The following UGT2B11 variants were observed in gnomAD, a reference collection of about 807,000 sequenced individuals.
UGT2B11 encodes the protein UDP-glucuronosyltransferase 2B11.
Under a neutral mutation model 51.7 loss-of-function variants are expected in UGT2B11, and 49 were observed. The ratio of observed to expected loss-of-function variants is 0.95; its 90% confidence interval spans 0.75 to 1.20. UGT2B11 has a LOEUF of 1.20. Ranked by LOEUF, UGT2B11 falls within the 50% of genes most tolerant of loss-of-function variation. The pLI, the probability that UGT2B11 is intolerant of heterozygous loss-of-function variation, is 0.00. For missense variants in UGT2B11, 810 were observed against 622.1 expected (o/e 1.30, Z -3.21); for synonymous variants, 273 against 209.0 (o/e 1.31, Z -2.64).
At chr4:69,218,500 G>T (rs930057554), upstream of UGT2B11, among the ~76,000 whole-genome samples, 1 of 149,796 alleles carries the variant, frequency 6.7e-6, no homozygotes, top group Non-Finnish European at 1.5e-5. Context: ...CCACAATAGA[G>T]GCAAATGTTT....
chr4:69,208,141 A>G (rs1215189968), intron 3 of UGT2B11, among the ~76,000 whole-genome samples: 2 of 151,552 alleles, frequency 1.3e-5, no homozygotes, highest in East Asian at 2.0e-4. Flanking sequence ...ACTCATGAAT[A>G]CCAAGGGTAG....
chr4:69,223,059 A>C, the UGT2B11 span, among the ~76,000 whole-genome samples: 2 of 152,178 alleles, frequency 1.3e-5, no homozygotes, highest in Non-Finnish European at 2.9e-5. Context: ...AAGCTTGTAC[A>C]TAAGGGACAT....
At chr4:69,207,890 A>G (rs1721916833) in intron 3 of UGT2B11, among the ~76,000 whole-genome samples, 1 of 151,656 alleles carries the variant, frequency 6.6e-6, no homozygotes, top group South Asian at 2.1e-4. Flanking sequence ...GAAAATGATC[A>G]TAAGTCTTCC....
intron 3 of UGT2B11, chr4:69,205,806 T>A (rs1023395605): frequency 1.5e-5 from 6 of 404,464 alleles, no homozygotes; most frequent in Non-Finnish European, 2.5e-5. Flanking sequence ...AATGAAAAGT[T>A]CAAATATTCA....
chr4:69,213,583 CTG>C (rs147517858), intron 1 of UGT2B11, among the ~76,000 whole-genome samples: 3,418 of 151,768 alleles, frequency 0.023, 66 homozygotes, highest in Middle Eastern at 0.09. Flanking sequence ...AATAAGAAAA[CTG>C]AGATTTACAA....
upstream of UGT2B11, among the ~76,000 whole-genome samples, chr4:69,218,033 G>C (rs1248863726): frequency 2.0e-5 from 3 of 152,092 alleles, no homozygotes; most frequent in Non-Finnish European, 2.9e-5. Context: ...AGTCATTTTG[G>C]TTATAAGAAT....
rs749694151 is a variant in UGT2B11 at position 69,214,742 on chromosome 4, T to C, written c.-20A>G. On this transcript the variant is annotated 5_prime_UTR_variant, in exon 1 of 6. Coordinates refer to ENST00000446444, the MANE Select transcript of UGT2B11 (RefSeq NM_001073.3). ...AGTCATCCTGGTGCAATGCGATCAT[T>C]CTTTTCCAGTCACTGTTTCTTTCTC... 8 of 1,603,832 alleles carry C rather than the reference T, an allele frequency of 5.0e-6. No individual in the cohort carries two copies. Among genetic ancestry groups the C allele is most frequent in the Admixed American group, 1.7e-5 (1 of 58,044 alleles).
At position 69,207,672 on chromosome 4, in the gene UGT2B11, T is replaced by C. The variant is rs553068830; in HGVS notation, c.1002+679A>G. Among the ~76,000 whole-genome samples the C allele has an allele frequency of 3.2e-3, 492 of 151,688 alleles. 3 individuals carry two copies. Among genetic ancestry groups the C allele is most frequent in the African/African-American group, 0.011 (470 of 41,488 alleles). ...ATCCATCTCCATCCTTTCTCTTTCA[T>C]CTTCCTGCTTCAGGCAGTGTTCTCT... On this transcript the variant is annotated intron_variant, in intron 3 of 5. Transcript: ENST00000446444.
chr4:69,200,046 A>T lies in UGT2B11; in HGVS notation c.*394T>A, dbSNP rs1411038657. 1.3e-5 allele frequency: 2 copies of T among 159,940 alleles called. No individual in the cohort carries two copies. The highest frequency in any genetic ancestry group is 2.7e-5 in the Non-Finnish European group (2 of 73,620). 9.9% of individuals were successfully genotyped at this position (159,940 alleles called of 1,614,324 possible). On this transcript the variant is annotated 3_prime_UTR_variant, in exon 6 of 6. Transcript: ENST00000446444. The stretch of plus-strand genomic sequence containing the variant: ...AATTATTCTGAGGATGTGACTACTG[A>T]TACTGTCAGTAGACTTCTTAATGTT...
the UGT2B11 span, among the ~76,000 whole-genome samples, chr4:69,220,661 C>G: frequency 1.3e-5 from 2 of 151,168 alleles, no homozygotes; most frequent in African/African-American, 4.9e-5. Context: ...AAGGGAGGAG[C>G]CAAGGTATCC....
At chr4:69,223,539 C>T in the UGT2B11 span, among the ~76,000 whole-genome samples, 1 of 152,198 alleles carries the variant, frequency 6.6e-6, no homozygotes, top group Non-Finnish European at 1.5e-5. Context: ...TCTGCCAATG[C>T]ATCCTACCTG....
chr4:69,217,017 C>G (rs1281293142), upstream of UGT2B11, among the ~76,000 whole-genome samples: 1 of 152,056 alleles, frequency 6.6e-6, no homozygotes, highest in Non-Finnish European at 1.5e-5. Flanking sequence ...CATTATTTTT[C>G]TGACCATAGA....
intron 3 of UGT2B11, 23 bp downstream of exon 3, chr4:69,208,328 A>G (rs761307029): frequency 2.5e-6 from 4 of 1,608,014 alleles, no homozygotes; most frequent in Non-Finnish European, 2.5e-6. Flanking sequence ...AGTTTTCCAC[A>G]CCAGTAAGGC....
chr4:69,224,484 CT>C, the UGT2B11 span, among the ~76,000 whole-genome samples: 4 of 152,060 alleles, frequency 2.6e-5, no homozygotes, highest in African/African-American at 9.7e-5. Context: ...ACACCGGTGT[CT>C]TTAGTCTCAT....
Position 69,200,629 on chromosome 4 carries a change from G to C in UGT2B11, c.1401C>G (p.Val467=), listed in dbSNP as rs1173388418. The change falls in exon 6 of 6, where the codon GTC becomes GTG. Residue 467 remains valine, a synonymous_variant. Transcript: ENST00000446444. ...GGTGTTTGGCTCCTTTGTGGGGCAT[G>C]ACAAATTCAATCCAGAAGACTGCTC... ...LDRAVFWIEF[V]MPHKGAKHLR... 1.2e-6 allele frequency: 2 copies of C among 1,612,328 alleles called. No homozygotes were observed. The highest frequency in any genetic ancestry group is 1.1e-5 in the South Asian group (1 of 91,032).
upstream of UGT2B11, among the ~76,000 whole-genome samples, chr4:69,218,242 C>T (rs1560543586): frequency 1.3e-5 from 2 of 151,896 alleles, no homozygotes; most frequent in Non-Finnish European, 2.9e-5. Flanking sequence ...ATAATATGTA[C>T]CAAGAGAGGT....
chr4:69,205,779 AG>A, intron 3 of UGT2B11: 1 of 493,470 alleles, frequency 2.0e-6, no homozygotes, highest in Non-Finnish European at 3.3e-6. Flanking sequence ...ACAGTACCAT[AG>A]AAAAATAAGA....
At chr4:69,219,193 C>G (rs938326908), upstream of UGT2B11, among the ~76,000 whole-genome samples, 2 of 152,026 alleles carry the variant, frequency 1.3e-5, no homozygotes, top group Non-Finnish European at 2.9e-5. Context: ...AGTGGCACTT[C>G]CTGACTGCAT....
chr4:69,218,503 A>G (rs928623957), upstream of UGT2B11, among the ~76,000 whole-genome samples: 1 of 149,720 alleles, frequency 6.7e-6, no homozygotes, highest in African/African-American at 2.4e-5. Context: ...CAATAGAGGC[A>G]AATGTTTTTT....
Sources: gnomAD v4.1 joint callset for allele counts (sites outside exome capture counted in the v4.1 genomes callset) on GRCh38, gnomAD v4.1.1 for gene constraint, MANE v1.5 for transcripts, NCBI Gene and HGNC (gene_info 2026-07-23, HGNC 2026-07-21) for gene names.